The following CHD1L variants were observed in gnomAD, a reference collection of about 807,000 sequenced individuals.
CHD1L encodes the protein chromodomain helicase DNA binding protein 1 like, also known as ATP-dependent chromatin remodeler CHD1L.
Under a neutral mutation model 115.9 loss-of-function variants are expected in CHD1L, and 118 were observed. The ratio of observed to expected loss-of-function variants is 1.02; its 90% CI spans 0.88 to 1.19. The LOEUF (loss-of-function observed/expected upper bound fraction) is 1.19. Among genes scored for constraint, CHD1L ranks in the 50% most tolerant of loss-of-function variants. The probability of loss-of-function intolerance (pLI) is 0.00; values close to 1 mark genes in which losing one functional copy is unlikely to be tolerated. For synonymous variants in CHD1L, 411 were observed against 387.1 expected (o/e 1.06, Z -0.72); for missense variants, 1,179 against 1,065.3 (o/e 1.11, Z -1.49).
the CHD1L span, chr1:147,186,902 A>G: frequency 6.2e-7 from 1 of 1,610,710 alleles, no homozygotes; most frequent in Non-Finnish European, 8.5e-7. Flanking sequence ...TAGGACAACT[A>G]GAAGTAAGCT....
chr1:147,204,772 T>G, the CHD1L span: 22 of 1,573,360 alleles, frequency 1.4e-5, no homozygotes, highest in Non-Finnish European at 1.8e-5. Context: ...GATAACCATT[T>G]TTTTCATTCC....
At chr1:147,195,872 TG>T in the CHD1L span, among the ~76,000 whole-genome samples, 1 of 152,128 alleles carries the variant, frequency 6.6e-6, no homozygotes, top group Non-Finnish European at 1.5e-5. Flanking sequence ...TCACTGGTGA[TG>T]GGTATCTATA....
intron 3 of CHD1L, among the ~76,000 whole-genome samples, chr1:147,255,580 T>C (rs1242728132): frequency 4.6e-5 from 7 of 152,152 alleles, no homozygotes; most frequent in Middle Eastern, 3.2e-3. Flanking sequence ...CGTTTTATTT[T>C]TAGAGTCAGC....
At chr1:147,269,128 C>T (rs782152470) in intron 10 of CHD1L, among the ~76,000 whole-genome samples, 1 of 152,128 alleles carries the variant, frequency 6.6e-6, no homozygotes, top group Non-Finnish European at 1.5e-5. Context: ...AATGTGCTGC[C>T]GTAATCTGCT....
intron 19 of CHD1L, among the ~76,000 whole-genome samples, chr1:147,289,327 CAG>C (rs1553968513): frequency 6.6e-6 from 1 of 152,002 alleles, no homozygotes; most frequent in South Asian, 2.1e-4. Flanking sequence ...GAATTTCTGA[CAG>C]AAGGAATTGT....
chr1:147,200,369 G>T, the CHD1L span, among the ~76,000 whole-genome samples: 1 of 151,958 alleles, frequency 6.6e-6, no homozygotes, highest in Non-Finnish European at 1.5e-5. Context: ...TTTTTCAGTT[G>T]TACTTCAGAT....
chr1:147,198,060 T>G, the CHD1L span, among the ~76,000 whole-genome samples: 1 of 152,178 alleles, frequency 6.6e-6, no homozygotes, highest in East Asian at 1.9e-4. Flanking sequence ...AATCCTGACT[T>G]GCTCCTGCAT....
intron 15 of CHD1L, among the ~76,000 whole-genome samples, chr1:147,283,953 T>G (rs1681987929): frequency 6.6e-6 from 1 of 152,222 alleles, no homozygotes; most frequent in Non-Finnish European, 1.5e-5. Context: ...TTCTCATAGA[T>G]TTGCCAAGCT....
At position 147,280,226 on chromosome 1, in the gene CHD1L, A is replaced by G. The variant is rs781980009; in HGVS notation, c.1705+35A>G. ...AGGTTAGAGCAGAGCAAATGGCACAACCACCCCAAGCTAGAGCTCACGTCC... is the reference window on the plus strand; with the variant it reads ...AGGTTAGAGCAGAGCAAATGGCACAGCCACCCCAAGCTAGAGCTCACGTCC... On this transcript the variant is annotated intron_variant, in intron 15 of 22. Transcript: ENST00000369258. 33 of 1,527,820 alleles carry G rather than the reference A, an allele frequency of 2.2e-5. No homozygotes were observed. The East Asian group carries it at 7.1e-4, about 33-fold the overall frequency. 94.6% of individuals were successfully genotyped at this position (1,527,820 alleles called of 1,614,324 possible).
intron 5 of CHD1L, 138 bp from the exon 6 acceptor site, chr1:147,259,699 T>G: frequency 1.5e-6 from 1 of 683,380 alleles, no homozygotes; most frequent in South Asian, 1.9e-5. Flanking sequence ...CTCAGGAAGG[T>G]AATTTGGTGG....
the CHD1L span, among the ~76,000 whole-genome samples, chr1:147,207,611 T>C: frequency 6.6e-6 from 1 of 152,184 alleles, no homozygotes; most frequent in African/African-American, 2.4e-5. Flanking sequence ...ATTACTTAGT[T>C]TCTCTACATC....
Position 147,287,698 on chromosome 1 carries a change from C to T in CHD1L, c.2285C>T (p.Pro762Leu). The change falls in exon 19 of 23, where the codon CCA becomes CTA. Residue 762 changes from proline (P) to leucine (L), a missense_variant. Pro to Leu is a moderately conservative substitution (Grantham distance 98, BLOSUM62 -3). Coordinates refer to ENST00000369258, the MANE Select transcript of CHD1L (RefSeq NM_004284.6). Reference protein sequence around the residue: ...FTALEKRSAEPRKIYELAGKM... With the variant: ...FTALEKRSAELRKIYELAGKM... ...GCTCTGGAAAAGCGATCCGCTGAGCCAAGAAAAATATATGAGCTGGCTGGG... is the reference window on the plus strand; with the variant it reads ...GCTCTGGAAAAGCGATCCGCTGAGCTAAGAAAAATATATGAGCTGGCTGGG... 2 of 1,613,784 alleles carry T rather than the reference C, an allele frequency of 1.2e-6. No homozygotes were observed. The highest frequency in any genetic ancestry group is 1.7e-6 in the Non-Finnish European group (2 of 1,179,948).
chr1:147,291,632 CCT>C (rs1685572200), intron 20 of CHD1L, 80 bp downstream of exon 20: 1 of 1,119,304 alleles, frequency 8.9e-7, no homozygotes. Context: ...CCCCAATTGG[CCT>C]CTCTGCTAGT....
intron 16 of CHD1L, 71 bp downstream of exon 16, chr1:147,284,570 C>G (rs1682309200): frequency 7.5e-7 from 1 of 1,325,564 alleles, no homozygotes; most frequent in Non-Finnish European, 1.0e-6. Flanking sequence ...AAAAATGATG[C>G]TGGCATCGTT....
chr1:147,250,319 C>T (rs1668009286), intron 1 of CHD1L, among the ~76,000 whole-genome samples: 1 of 152,156 alleles, frequency 6.6e-6, no homozygotes, highest in African/African-American at 2.4e-5. Context: ...TGGAGCCAGG[C>T]ATTTTTTTTA....
intron 2 of CHD1L, among the ~76,000 whole-genome samples, chr1:147,253,252 A>C (rs1210010483): frequency 1.3e-5 from 2 of 152,110 alleles, no homozygotes; most frequent in Non-Finnish European, 2.9e-5. Context: ...TAGTAACTCC[A>C]CACTTGTTTT....
At chr1:147,234,575 G>A in the CHD1L span, among the ~76,000 whole-genome samples, 1 of 152,164 alleles carries the variant, frequency 6.6e-6, no homozygotes, top group Non-Finnish European at 1.5e-5. Context: ...TGGAGTTCAA[G>A]TATTAGTCAG....
chr1:147,219,451 C>T, the CHD1L span, among the ~76,000 whole-genome samples: 1 of 151,980 alleles, frequency 6.6e-6, no homozygotes, highest in African/African-American at 2.4e-5. Flanking sequence ...GATGAAAACT[C>T]TCAGCAAACT....
intron 11 of CHD1L, 51 bp downstream of exon 11, chr1:147,271,056 T>C (rs1676018272): frequency 1.5e-6 from 2 of 1,360,178 alleles, no homozygotes; most frequent in East Asian, 4.6e-5. Context: ...GACTTAACAG[T>C]CCAGATAGGT....
Sources: allele counts gnomAD v4.1 joint callset (sites outside exome capture counted in the v4.1 genomes callset), GRCh38; gene constraint gnomAD v4.1.1; transcripts MANE v1.5; gene names NCBI Gene and HGNC (gene_info 2026-07-23, HGNC 2026-07-21).